The following SRGAP3 variants were observed in gnomAD, a reference collection of about 807,000 sequenced individuals.
The protein encoded by SRGAP3 is SLIT-ROBO Rho GTPase-activating protein 3.
Under a neutral mutation model 121.1 loss-of-function variants are expected in SRGAP3, and 39 were observed. That is an observed-to-expected ratio of 0.32 (90% confidence interval 0.25 to 0.42). The LOEUF (loss-of-function observed/expected upper bound fraction) is 0.42. Ranked by LOEUF, SRGAP3 falls within the 10% of genes least tolerant of loss-of-function variation. The pLI is 1.00. For synonymous variants in SRGAP3, 601 were observed against 570.0 expected, an observed-to-expected ratio of 1.05 and a Z score of -0.77; for missense variants, 1,213 against 1,470.6, an observed-to-expected ratio of 0.82 and a Z score of 2.86.
rs761835708 is a variant in SRGAP3 at position 9,281,599 on chromosome 3, T to C, written n.442+44411A>G. Among the ~76,000 whole-genome samples the C allele has an allele frequency of 1.8e-4, 27 of 152,232 alleles. 1 individual carries two copies. In the East Asian group the frequency reaches 3.5e-3, roughly 20 times the overall value. ...GAAAAGGCAAACCTTTTAATGTTGG[T>C]GTAAGAATAAACAAAGTAATTTATG... is the stretch of plus-strand genomic sequence containing the variant. On this transcript the variant is annotated intron_variant and non_coding_transcript_variant, in intron 3 of 3. Coordinates refer to the SRGAP3 transcript ENST00000490889.
intron 1 of SRGAP3, among the ~76,000 whole-genome samples, chr3:9,140,341 T>C (rs1949805571): frequency 6.6e-6 from 1 of 152,190 alleles, no homozygotes; most frequent in Non-Finnish European, 1.5e-5. Flanking sequence ...CCATAATATA[T>C]TGTTAAATGA....
At position 9,109,078 on chromosome 3, in the gene SRGAP3, C is replaced by A. The variant is rs1423807333; in HGVS notation, c.261-4236G>T. On this transcript the variant is annotated intron_variant, in intron 2 of 21. Coordinates refer to ENST00000383836, the MANE Select transcript of SRGAP3 (RefSeq NM_014850.4). This position sits in a 1 kb window ranked among gnomAD's most constrained non-coding sequence, Gnocchi z 4.4. Reference sequence around the variant, plus strand: ...TTGCTTATCTCATTTTCACTGCTTCCTAGGTGGTGATGGAAATGGAAAGAT... The same window carrying A: ...TTGCTTATCTCATTTTCACTGCTTCATAGGTGGTGATGGAAATGGAAAGAT... Among the ~76,000 whole-genome samples the A allele has an allele frequency of 6.6e-6, 1 of 152,058 alleles. No individual in the cohort carries two copies. Among genetic ancestry groups the A allele is most frequent in the East Asian group, 1.9e-4 (1 of 5,192 alleles).
At chr3:9,000,561 G>A (rs1025167697) in intron 18 of SRGAP3, among the ~76,000 whole-genome samples, 1 of 152,192 alleles carries the variant, frequency 6.6e-6, no homozygotes, top group Non-Finnish European at 1.5e-5. Context: ...AGTTCAAGTC[G>A]AAGGGGACTC....
intron 1 of SRGAP3, among the ~76,000 whole-genome samples, chr3:9,248,005 T>C (rs1264577988): frequency 6.6e-6 from 1 of 152,212 alleles, no homozygotes; most frequent in African/African-American, 2.4e-5. Context: ...GTGTTCCCTT[T>C]CCTATTTCGC....
chr3:9,234,242 T>G (rs1386330299), intron 1 of SRGAP3, among the ~76,000 whole-genome samples: 5 of 152,174 alleles, frequency 3.3e-5, no homozygotes, highest in Admixed American at 2.0e-4. Flanking sequence ...AGAGAGTGAC[T>G]GTTGTTCTGC....
intron 14 of SRGAP3, 113 bp downstream of exon 14, chr3:9,025,148 C>T (rs1944122832): frequency 1.9e-6 from 2 of 1,055,650 alleles, no homozygotes; most frequent in South Asian, 2.5e-5. Context: ...GCACAATCAG[C>T]TCCTGCAAAC....
At chr3:9,132,760 A>G (rs1311081106) in intron 1 of SRGAP3, among the ~76,000 whole-genome samples, 1 of 152,198 alleles carries the variant, frequency 6.6e-6, no homozygotes, top group African/African-American at 2.4e-5. Context: ...TTGGGTAAAT[A>G]TCCTTTTTGA....
intron 4 of SRGAP3, among the ~76,000 whole-genome samples, chr3:9,070,964 G>A (rs1946680688): frequency 6.6e-6 from 1 of 152,194 alleles, no homozygotes; most frequent in Non-Finnish European, 1.5e-5. Flanking sequence ...AGGCTTCCCG[G>A]AGGAAGTGAC....
intron 1 of SRGAP3, among the ~76,000 whole-genome samples, chr3:9,204,824 G>T (rs1001014834): frequency 6.6e-6 from 1 of 152,250 alleles, no homozygotes; most frequent in Non-Finnish European, 1.5e-5. Flanking sequence ...TGTCGCTGGG[G>T]AGCACGGAGC....
At chr3:9,100,246 G>A (rs1486176076) in intron 3 of SRGAP3, among the ~76,000 whole-genome samples, 1 of 152,068 alleles carries the variant, frequency 6.6e-6, no homozygotes, top group African/African-American at 2.4e-5. Context: ...TCTACCCACT[G>A]GCTCTTACCT....
intron 3 of SRGAP3, among the ~76,000 whole-genome samples, chr3:9,319,986 T>C (rs1367464467): frequency 6.6e-6 from 1 of 151,942 alleles, no homozygotes; most frequent in Non-Finnish European, 1.5e-5. Flanking sequence ...GCTGGTCTCA[T>C]CCTTTTGAGG....
intron 1 of SRGAP3, among the ~76,000 whole-genome samples, chr3:9,346,217 ATGT>A (rs1955888965): frequency 2.0e-5 from 3 of 151,760 alleles, no homozygotes; most frequent in Admixed American, 1.3e-4. Flanking sequence ...TTAAAGTGTA[ATGT>A]TGTTTTTCTA....
At chr3:8,991,763 G>A (rs1371443686) in intron 20 of SRGAP3, among the ~76,000 whole-genome samples, 1 of 152,160 alleles carries the variant, frequency 6.6e-6, no homozygotes, top group East Asian at 1.9e-4. Flanking sequence ...CCGTGTGTTG[G>A]GAATGGATTA....
chr3:9,019,983 AC>A (rs1401962594), intron 14 of SRGAP3, among the ~76,000 whole-genome samples: 3 of 152,258 alleles, frequency 2.0e-5, no homozygotes, highest in Non-Finnish European at 2.9e-5. Flanking sequence ...TTCACACAGC[AC>A]TTCTCAAGTG....
chr3:9,002,668 A>G (rs889169018), intron 18 of SRGAP3, among the ~76,000 whole-genome samples: 1 of 152,184 alleles, frequency 6.6e-6, no homozygotes, highest in African/African-American at 2.4e-5. Flanking sequence ...CTTTGAAAAG[A>G]TCAATGAAAT....
At chr3:8,992,449 G>T (rs1286555625) in intron 20 of SRGAP3, among the ~76,000 whole-genome samples, 1 of 152,144 alleles carries the variant, frequency 6.6e-6, no homozygotes, top group African/African-American at 2.4e-5. Flanking sequence ...CAAATAAGTG[G>T]GTGGAGTCGA....
At chr3:9,164,675 C>G (rs1056599498) in intron 1 of SRGAP3, among the ~76,000 whole-genome samples, 1 of 152,194 alleles carries the variant, frequency 6.6e-6, no homozygotes, top group African/African-American at 2.4e-5. Context: ...TCTGATATCA[C>G]ATGCTAAGCA....
chr3:9,133,018 GATC>G (rs1287631939), intron 1 of SRGAP3, among the ~76,000 whole-genome samples: 4 of 148,406 alleles, frequency 2.7e-5, no homozygotes, highest in African/African-American at 9.8e-5. Flanking sequence ...ATGTTATATA[GATC>G]ATATTATTTA....
chr3:9,047,051 C>T (rs944497751), intron 10 of SRGAP3, among the ~76,000 whole-genome samples: 1 of 152,186 alleles, frequency 6.6e-6, no homozygotes, highest in Non-Finnish European at 1.5e-5. Flanking sequence ...CCAGGATGGT[C>T]TCGATCTCCT....
Sources: gnomAD v4.1 joint callset for allele counts (sites outside exome capture counted in the v4.1 genomes callset) on GRCh38, gnomAD v4.1.1 for gene constraint, Gnocchi (gnomAD v3.1) non-coding constraint, MANE v1.5 for transcripts, NCBI Gene and HGNC (gene_info 2026-07-23, HGNC 2026-07-21) for gene names.